Variants in TMEM144 observed in about 807,000 individuals in gnomAD.
TMEM144 encodes transmembrane protein 144.
A neutral mutation model predicts 43.6 loss-of-function variants in TMEM144; 39 were observed. The observed-to-expected ratio is 0.90, with a 90% CI of 0.69 to 1.17. The LOEUF (loss-of-function observed/expected upper bound fraction) is 1.17, where lower values mean the gene tolerates loss of function less well. TMEM144 is among the 50% of genes most tolerant of loss of function. The probability of loss-of-function intolerance (pLI) is 0.00; values close to 1 mark genes in which losing one functional copy is unlikely to be tolerated. For missense variants in TMEM144, 417 were observed against 411.9 expected, an observed-to-expected ratio of 1.01 and a Z score of -0.11; for synonymous variants, 154 against 133.6, an observed-to-expected ratio of 1.15 and a Z score of -1.06.
chr4:158,253,951 C>A lies in TMEM144; in HGVS notation c.*424C>A, dbSNP rs1179535881. 6.5e-6 allele frequency: 1 copy of A among 153,356 alleles called. No individual in the cohort carries two copies. Among genetic ancestry groups the A allele is most frequent in the Non-Finnish European group, 1.5e-5 (1 of 68,894 alleles). 9.5% of individuals were successfully genotyped at this position (153,356 alleles called of 1,614,324 possible). A position where few individuals can be genotyped will look rare whatever the true frequency, so the allele number is the denominator to read the frequency against. ...AAATACCTTGGGCGAGGAGGGAGAG[C>A]CTTACCTTCTAATGGAATTAGATTC... On this transcript the variant is annotated 3_prime_UTR_variant, in exon 13 of 13. Coordinates refer to ENST00000296529, the MANE Select transcript of TMEM144 (RefSeq NM_018342.5).
rs771173330 is a variant in TMEM144 at position 158,219,323 on chromosome 4, G to C, written c.346G>C (p.Gly116Arg). ...GWASSRFGWF[G>R]LDAEEVSNPL... is the part of the protein sequence containing the mutation. ...CTGGATTTTCAGGTTTGGCTGGTTT[G>C]GATTGGATGCAGAAGAAGTATCAAA... Residue 116 changes from glycine to arginine, a missense_variant, in exon 6 of 13, where the codon GGA becomes CGA. Coordinates refer to ENST00000296529, the MANE Select transcript of TMEM144 (RefSeq NM_018342.5). The C allele has an allele frequency of 1.2e-6, 2 of 1,613,762 alleles. No homozygotes were observed. Among genetic ancestry groups the C allele is most frequent in the Admixed American group, 1.7e-5 (1 of 60,004 alleles).
At chr4:158,227,211 A>T (rs930492405) in intron 6 of TMEM144, among the ~76,000 whole-genome samples, 1 of 150,726 alleles carries the variant, frequency 6.6e-6, no homozygotes, top group Non-Finnish European at 1.5e-5. Context: ...TTGATTTAGG[A>T]TACTTCTGAA....
intron 9 of TMEM144, among the ~76,000 whole-genome samples, chr4:158,239,409 G>A (rs920688688): frequency 2.6e-5 from 4 of 152,156 alleles, no homozygotes; most frequent in African/African-American, 9.7e-5. Context: ...CAGTGGAGTT[G>A]GGATTTTTCC....
intron 12 of TMEM144, among the ~76,000 whole-genome samples, chr4:158,249,706 TTAAG>T (rs1736084942): frequency 6.6e-6 from 1 of 152,218 alleles, no homozygotes; most frequent in African/African-American, 2.4e-5. Flanking sequence ...ATTTTTTAAT[TTAAG>T]TAATTGCATC....
intron 7 of TMEM144, chr4:158,233,928 AG>A (rs1421408539): frequency 1.3e-5 from 2 of 152,262 alleles, no homozygotes; most frequent in East Asian, 3.8e-4. Context: ...GCTTTGGGAA[AG>A]GGTTCCTTGC....
rs184385932 is a variant in TMEM144 at position 158,216,651 on chromosome 4, C to G, written c.233-670C>G. ...GTCAAGTACCCAAAGGACAATAAAG[C>G]AAGGGGACAAATATGTTCAAGGGAA... On this transcript the variant is annotated intron_variant, in intron 4 of 12. Coordinates refer to ENST00000296529, the MANE Select transcript of TMEM144 (RefSeq NM_018342.5). Among the ~76,000 whole-genome samples, 810 of 152,118 alleles carry G rather than the reference C, an allele frequency of 5.3e-3. 7 individuals carry two copies. The highest frequency in any genetic ancestry group is 0.019 in the African/African-American group (770 of 41,500).
chr4:158,233,012 T>A lies in TMEM144; in HGVS notation c.495+30T>A, dbSNP rs771937135. 14 of 1,494,592 alleles carry A rather than the reference T, an allele frequency of 9.4e-6. No individual in the cohort carries two copies. In the South Asian group the frequency reaches 1.7e-4, roughly 18 times the overall value. 92.6% of individuals were successfully genotyped at this position (1,494,592 alleles called of 1,614,324 possible). On this transcript the variant is annotated intron_variant, in intron 7 of 12. Transcript: ENST00000296529. The stretch of plus-strand genomic sequence containing the variant: ...GTATAGTATGAGAGACAACTTGATT[T>A]GAAACATAAAATTAAGATAAATGGA...
intron 6 of TMEM144, among the ~76,000 whole-genome samples, chr4:158,229,292 G>T (rs1047034927): frequency 6.6e-6 from 1 of 152,162 alleles, no homozygotes; most frequent in Non-Finnish European, 1.5e-5. Flanking sequence ...ACACTTCAGG[G>T]CCTATTCATC....
At chr4:158,245,695 C>T (rs769577182) in intron 12 of TMEM144, among the ~76,000 whole-genome samples, 2 of 152,038 alleles carry the variant, frequency 1.3e-5, no homozygotes, top group Non-Finnish European at 2.9e-5. Context: ...CCAGCACTTG[C>T]GGGAGGATTG....
At chr4:158,244,119 G>T (rs1407440119) in intron 11 of TMEM144, among the ~76,000 whole-genome samples, 177 bp from the exon 12 acceptor site, 1 of 152,038 alleles carries the variant, frequency 6.6e-6, no homozygotes, top group East Asian at 1.9e-4. Flanking sequence ...ATGAAAAAAA[G>T]TCTTCATTTT....
intron 6 of TMEM144, among the ~76,000 whole-genome samples, chr4:158,228,595 G>A (rs187527420): frequency 1.3e-3 from 203 of 152,268 alleles, no homozygotes; most frequent in Middle Eastern, 3.4e-3. Flanking sequence ...GCATCCCACC[G>A]GGGCAAATGC....
intron 12 of TMEM144, among the ~76,000 whole-genome samples, chr4:158,246,662 A>G (rs976303619): frequency 2.6e-4 from 40 of 152,230 alleles, no homozygotes; most frequent in African/African-American, 8.9e-4. Flanking sequence ...AAGTAACTCT[A>G]TGCCCAAAAT....
At chr4:158,239,927 C>T (rs1038746035) in intron 9 of TMEM144, among the ~76,000 whole-genome samples, 1 of 150,686 alleles carries the variant, frequency 6.6e-6, no homozygotes, top group African/African-American at 2.4e-5. Flanking sequence ...ACTCTGTTGC[C>T]CAGGCTGGAG....
At chr4:158,237,440 T>C (rs1735405361) in intron 8 of TMEM144, 85 bp from the exon 9 acceptor site, 4 of 1,067,122 alleles carry the variant, frequency 3.7e-6, no homozygotes. Context: ...ATTTGCCTTT[T>C]GAAGCATGTT....
intron 3 of TMEM144, among the ~76,000 whole-genome samples, chr4:158,214,679 A>G (rs959803778): frequency 7.2e-5 from 11 of 152,170 alleles, no homozygotes; most frequent in South Asian, 4.1e-4. Context: ...CTCTAACTGT[A>G]TGAGGCCTAT....
intron 6 of TMEM144, among the ~76,000 whole-genome samples, chr4:158,220,121 T>C (rs1018852020): frequency 6.6e-6 from 1 of 152,366 alleles, no homozygotes; most frequent in South Asian, 2.1e-4. Context: ...TACTTTTTTA[T>C]TCTTAGGGAA....
intron 4 of TMEM144, 77 bp downstream of exon 4, chr4:158,215,390 T>C: frequency 6.5e-7 from 1 of 1,528,102 alleles, no homozygotes; most frequent in Admixed American, 1.9e-5. Context: ...TAGGAGGAAA[T>C]AGCGCAAACA....
At chr4:158,225,985 C>T (rs184878900) in intron 6 of TMEM144, among the ~76,000 whole-genome samples, 115 of 152,332 alleles carry the variant, frequency 7.5e-4, no homozygotes, top group African/African-American at 2.7e-3. Flanking sequence ...TATGCCTGGT[C>T]GACTGGAGGA....
At chr4:158,215,857 T>G (rs1456130120) in intron 4 of TMEM144, among the ~76,000 whole-genome samples, 1 of 152,140 alleles carries the variant, frequency 6.6e-6, no homozygotes, top group Non-Finnish European at 1.5e-5. Flanking sequence ...TTCCCTTCAA[T>G]TAATATAAAT....
Sources: allele counts gnomAD v4.1 joint callset (sites outside exome capture counted in the v4.1 genomes callset), GRCh38; gene constraint gnomAD v4.1.1; transcripts MANE v1.5; gene names NCBI Gene and HGNC (gene_info 2026-07-23, HGNC 2026-07-21).